CSPG4: variants seen among roughly 807,000 people sequenced by gnomAD.
The protein encoded by CSPG4 is chondroitin sulfate proteoglycan 4, also known as chondroitin sulfate proteoglycan 4 (melanoma-associated).
A neutral mutation model predicts 139.3 loss-of-function variants in CSPG4; 74 were observed. That is an observed-to-expected ratio of 0.53 (90% confidence interval 0.44 to 0.64). The LOEUF (loss-of-function observed/expected upper bound fraction) is 0.64. Ranked by LOEUF, CSPG4 falls within the 30% of genes least tolerant of loss-of-function variation. The pLI is 0.00. For missense variants in CSPG4, 2,565 were observed against 3,148.3 expected, an observed-to-expected ratio of 0.81 and a Z score of 4.43; for synonymous variants, 1,234 against 1,394.2, an observed-to-expected ratio of 0.89 and a Z score of 2.56.
At position 75,691,375 on chromosome 15, in the gene CSPG4, C is replaced by T. The variant is rs931629912; in HGVS notation, c.253-563G>A. Reference sequence around the variant, plus strand: ...CCTGATATGAATCAGATGTGGTCCTCGCCCACAAGGAACTGACATACAGCA... The same window carrying T: ...CCTGATATGAATCAGATGTGGTCCTTGCCCACAAGGAACTGACATACAGCA... On this transcript the variant is annotated intron_variant, in intron 2 of 9. Transcript: ENST00000308508. 5.3e-5 allele frequency among the ~76,000 whole-genome samples: 8 copies of T among 152,296 alleles called. No individual in the cohort carries two copies. The East Asian group carries it at 5.8e-4, about 11-fold the overall frequency.
chr15:75,713,314 A>T (rs372470495), upstream of CSPG4, among the ~76,000 whole-genome samples: 23 of 152,084 alleles, frequency 1.5e-4, no homozygotes, highest in African/African-American at 5.5e-4. Flanking sequence ...CAGAGGCACC[A>T]CCCGAGGTCC....
rs957580983 is a variant in CSPG4, at chr15:75,704,395, C to T, written c.88+8273G>A. On this transcript the variant is annotated intron_variant, in intron 1 of 9. Transcript: ENST00000308508. ...TGTCCACGGTTGGAGGGACAGCCCC[C>T]GTCTGAGTACCCACCCCTGGAGGGG... 5.5e-4 allele frequency among the ~76,000 whole-genome samples: 83 copies of T among 152,196 alleles called. 2 individuals carry two copies. Among genetic ancestry groups the T allele is most frequent in the Admixed American group, 3.3e-4 (5 of 15,294 alleles).
At position 75,675,319 on chromosome 15, in the gene CSPG4, C is replaced by T. The variant is rs189316061; in HGVS notation, c.*231G>A. The T allele has an allele frequency of 1.9e-4, 77 of 413,460 alleles. 2 individuals carry two copies. In the Admixed American group the frequency reaches 2.6e-3, roughly 14 times the overall value. 25.6% of individuals were successfully genotyped at this position (413,460 alleles called of 1,614,324 possible). ...AGGACTGAACTTAAGCCTGCCTCCA[C>T]CTTGGCCCCTGCAGTTCTCCAGGCT... On this transcript the variant is annotated 3_prime_UTR_variant, in exon 10 of 10. Coordinates refer to ENST00000308508, the MANE Select transcript of CSPG4 (RefSeq NM_001897.5).
intron 8 of CSPG4, among the ~76,000 whole-genome samples, chr15:75,681,921 TC>T (rs1362250911): frequency 1.3e-5 from 2 of 151,928 alleles, no homozygotes; most frequent in Non-Finnish European, 2.9e-5. Context: ...TCCAACTCCA[TC>T]CCCCACCAAG....
rs1241380569 is a variant in CSPG4 at position 75,683,060 on chromosome 15, G to A, written c.4450-19C>T. ...CCCACATCTGGGAACACAGGCCTGT[G>A]AAGGTTCTGCCTTGCCGCACTCACC... is the stretch of plus-strand genomic sequence containing the variant. On this transcript the variant is annotated intron_variant, in intron 5 of 9. Coordinates refer to ENST00000308508, the MANE Select transcript of CSPG4 (RefSeq NM_001897.5). The A allele has an allele frequency of 1.2e-6, 2 of 1,604,720 alleles. No homozygotes were observed. Among genetic ancestry groups the A allele is most frequent in the East Asian group, 4.5e-5 (2 of 44,760 alleles).
chr15:75,687,447 G>A lies in CSPG4; in HGVS notation c.3618C>T (p.Ser1206=), dbSNP rs748566143. The change falls in exon 3 of 10, where the codon AGC becomes AGT. Residue 1206 remains serine, a synonymous_variant. Coordinates refer to ENST00000308508, the MANE Select transcript of CSPG4 (RefSeq NM_001897.5). This position sits in a 1 kb window ranked among gnomAD's most constrained non-coding sequence, Gnocchi z 5.4. Reference sequence around the variant, plus strand: ...CGGAGAAGGCCATGGTGTCGCGGGGGCTGAGGCTGCCATTGTGGCTATAGA... The same window carrying A: ...CGGAGAAGGCCATGGTGTCGCGGGGACTGAGGCTGCCATTGTGGCTATAGA... ...AVLYSHNGSL[S]PRDTMAFSVE... 5 of 1,612,462 alleles carry A rather than the reference G, an allele frequency of 3.1e-6. No individual in the cohort carries two copies. The highest frequency in any genetic ancestry group is 1.7e-4 in the Middle Eastern group (1 of 6,018).
chr15:75,684,867 G>A lies in CSPG4; in HGVS notation c.4318C>T (p.Leu1440=), dbSNP rs1317029411. 6.2e-7 allele frequency: 1 copy of A among 1,613,458 alleles called. No individual in the cohort carries two copies. Among genetic ancestry groups the A allele is most frequent in the Middle Eastern group, 1.7e-4 (1 of 6,056 alleles). ...GCCATCAGGACAAAACTGTCTGTCA[G>A]TGTCTCGCTCCCGTCATGCACGTAG... ...IRYVHDGSET[L]TDSFVLMANA... Residue 1440 remains leucine (L), a synonymous_variant, in exon 5 of 10, where the codon CTG becomes TTG. Coordinates refer to ENST00000308508, the MANE Select transcript of CSPG4 (RefSeq NM_001897.5).
At position 75,693,237 on chromosome 15, in the gene CSPG4, T is replaced by C; in HGVS notation, c.89-4A>G. 1 of 1,588,810 alleles carries C rather than the reference T, an allele frequency of 6.3e-7. No homozygotes were observed. On this transcript the variant is annotated splice_polypyrimidine_tract_variant and splice_region_variant and intron_variant, in intron 1 of 9. Coordinates refer to ENST00000308508, the MANE Select transcript of CSPG4 (RefSeq NM_001897.5). ...TGGTTCTCACCGAAGAAGGAAGCTG[T>C]GTGAGAGAGGGAGCTGTGGTCAAGG...
chr15:75,675,689 T>G lies in CSPG4; in HGVS notation c.6830A>C (p.Lys2277Thr). 2.6e-6 allele frequency: 4 copies of G among 1,557,602 alleles called. No individual in the cohort carries two copies. The highest frequency in any genetic ancestry group is 3.5e-6 in the Non-Finnish European group (4 of 1,149,128). The change falls in exon 10 of 10, where the codon AAG (lysine) becomes ACG (threonine). Residue 2277 changes from lysine to threonine, a missense_variant. This residue lies in a region of CSPG4 where 2,316 missense variants were observed against 2,818.2 expected (regional missense o/e 0.82). Transcript: ENST00000308508. ...CGGGATGGCCTGGCCTGGCTCCACCTTGCGAAAGGTCTCGGTGTCACCAGC... is the reference window on the plus strand; with the variant it reads ...CGGGATGGCCTGGCCTGGCTCCACCGTGCGAAAGGTCTCGGTGTCACCAGC... The part of the protein sequence containing the change: ...GLAGDTETFR[K>T]VEPGQAIPLT...
intron 1 of CSPG4, among the ~76,000 whole-genome samples, chr15:75,702,881 T>C (rs1313255522): frequency 1.3e-5 from 2 of 150,062 alleles, no homozygotes; most frequent in Non-Finnish European, 3.0e-5. Flanking sequence ...GGTGGGGCCA[T>C]TCCCAGGCCC....
Position 75,689,847 on chromosome 15 carries a change from C to T in CSPG4, c.1218G>A (p.Trp406Ter). 4 of 1,612,536 alleles carry T rather than the reference C, an allele frequency of 2.5e-6. No individual in the cohort carries two copies. Among genetic ancestry groups the T allele is most frequent in the Non-Finnish European group, 3.4e-6 (4 of 1,179,648 alleles). The change falls in exon 3 of 10, where the codon TGG becomes TGA. Residue 406 changes from tryptophan to a stop codon, truncating the protein, a stop_gained. Coordinates refer to ENST00000308508, the MANE Select transcript of CSPG4 (RefSeq NM_001897.5). LOFTEE classifies it high-confidence loss of function. ...ATGGCTCAGGCAGCTCCATGGCTGG[C>T]CAAGCCTCAGGGGCCAGGGTGGAGA... ...EAFSTLAPEA[W>*]PAMELPEPCV...
chr15:75,681,754 A>C (rs1239469304), intron 8 of CSPG4, among the ~76,000 whole-genome samples: 1 of 152,164 alleles, frequency 6.6e-6, no homozygotes, highest in Non-Finnish European at 1.5e-5. Flanking sequence ...TGGTCTCTGA[A>C]GCCACCAGGA....
chr15:75,694,147 G>A (rs1442969926), intron 1 of CSPG4, among the ~76,000 whole-genome samples: 2 of 152,258 alleles, frequency 1.3e-5, no homozygotes, highest in Non-Finnish European at 2.9e-5. Flanking sequence ...GCTTGGGAGG[G>A]GCTGAGGGTC....
Position 75,688,504 on chromosome 15 carries a change from G to T in CSPG4, c.2561C>A (p.Ala854Asp). 4.3e-6 allele frequency: 7 copies of T among 1,613,270 alleles called. No homozygotes were observed. The highest frequency in any genetic ancestry group is 5.9e-6 in the Non-Finnish European group (7 of 1,180,040). ...GQGFTQDDIQ[A>D]GRVTYGATAR... ...TGTGGCCCCATAGGTCACCCGGCCA[G>T]CCTGTATGTCATCCTGGGTGAAGCC... The change falls in exon 3 of 10, where the codon GCT (alanine) becomes GAT (aspartate). Residue 854 changes from alanine to aspartate, a missense_variant. Ala to Asp is a moderately radical substitution (Grantham distance 126, BLOSUM62 -2). This residue lies in a region of CSPG4 where 2,316 missense variants were observed against 2,818.2 expected (regional missense o/e 0.82). Coordinates refer to ENST00000308508, the MANE Select transcript of CSPG4 (RefSeq NM_001897.5).
At position 75,675,512 on chromosome 15, in the gene CSPG4, G is replaced by A. The variant is rs371620599; in HGVS notation, c.*38C>T. 12 of 1,463,330 alleles carry A rather than the reference G, an allele frequency of 8.2e-6. No individual in the cohort carries two copies. The highest frequency in any genetic ancestry group is 1.1e-5 in the Non-Finnish European group (12 of 1,106,390). 90.6% of individuals were successfully genotyped at this position (1,463,330 alleles called of 1,614,324 possible). Reference sequence around the variant, plus strand: ...TGGGGCCCGGGACATGGGCAAGCCTGTCCCTGGCCCGATCAGCATCTGGGC... The same window carrying A: ...TGGGGCCCGGGACATGGGCAAGCCTATCCCTGGCCCGATCAGCATCTGGGC... On this transcript the variant is annotated 3_prime_UTR_variant, in exon 10 of 10. Transcript: ENST00000308508.
chr15:75,707,163 G>A (rs1042720208), intron 1 of CSPG4, among the ~76,000 whole-genome samples: 8 of 151,894 alleles, frequency 5.3e-5, no homozygotes, highest in African/African-American at 9.7e-5. Flanking sequence ...CACCATGTTG[G>A]CCAGGCTGGT....
intron 9 of CSPG4, 118 bp downstream of exon 9, chr15:75,677,585 G>T (rs1447401607): frequency 3.1e-6 from 4 of 1,297,570 alleles, no homozygotes; most frequent in African/African-American, 1.5e-5. Context: ...CCCTCCCTGT[G>T]ACTTCCCAGG....
rs763008960 is a variant in CSPG4 at position 75,676,021 on chromosome 15, A to T, written c.6498T>A (p.Asn2166Lys). 6.4e-7 allele frequency: 1 copy of T among 1,559,858 alleles called. No homozygotes were observed. The highest frequency in any genetic ancestry group is 2.3e-5 in the East Asian group (1 of 43,548). ...ASLDFATEPY[N>K]AARPYSVALL... ...GGGCCACGCTGTAGGGCCGGGCAGC[A>T]TTGTAAGGCTCAGTGGCAAAGTCCA... The change falls in exon 10 of 10, where the codon AAT becomes AAA. Residue 2166 changes from asparagine to lysine, a missense_variant. Asn to Lys is a moderately conservative substitution (Grantham distance 94). Transcript: ENST00000308508.
At chr15:75,703,764 A>T (rs1282540588) in intron 1 of CSPG4, among the ~76,000 whole-genome samples, 1 of 131,966 alleles carries the variant, frequency 7.6e-6, no homozygotes, top group Non-Finnish European at 1.6e-5. Context: ...CTCTACGCAG[A>T]CCCCTCCCTT....
Sources: gnomAD v4.1 joint callset for allele counts (sites outside exome capture counted in the v4.1 genomes callset) on GRCh38, gnomAD v4.1.1 for gene constraint, gnomAD v4.1.1 regional missense constraint, Gnocchi (gnomAD v3.1) non-coding constraint, MANE v1.5 for transcripts, NCBI Gene and HGNC (gene_info 2026-07-23, HGNC 2026-07-21) for gene names.